Variants in RNF17 observed in about 807,000 individuals in gnomAD.
RNF17 encodes the protein spermatogenesis associated 23.
A neutral mutation model predicts 200.5 loss-of-function variants in RNF17; 31 were observed. The ratio of observed to expected loss-of-function variants is 0.15; its 90% confidence interval spans 0.12 to 0.21. The LOEUF (loss-of-function observed/expected upper bound fraction) is 0.21. RNF17 is among the 10% of genes least tolerant of loss of function. The pLI is 1.00. For synonymous variants in RNF17, 606 were observed against 637.8 expected, an observed-to-expected ratio of 0.95 and a Z score of 0.75; for missense variants, 1,628 against 1,905.1, an observed-to-expected ratio of 0.85 and a Z score of 2.71.
chr13:24,874,281 ATTTCT>A (rs763532955), intron 33 of RNF17, 32 bp downstream of exon 33: 16 of 1,524,744 alleles, frequency 1.0e-5, no homozygotes, highest in East Asian at 7.2e-5. Flanking sequence ...GTTGAATTAG[ATTTCT>A]TTTTTTTTAA....
chr13:24,764,377 G>A, intron 1 of RNF17, 44 bp downstream of exon 1: 3 of 1,523,574 alleles, frequency 2.0e-6, no homozygotes, highest in Non-Finnish European at 2.7e-6. Context: ...CAGCCTGGAG[G>A]GAGCGCTGGG....
At chr13:24,814,407 G>A (rs987362422) in intron 15 of RNF17, among the ~76,000 whole-genome samples, 1 of 152,082 alleles carries the variant, frequency 6.6e-6, no homozygotes, top group Non-Finnish European at 1.5e-5. Flanking sequence ...TTTAATTATT[G>A]TTTCTTTTGT....
At chr13:24,870,486 C>T in intron 31 of RNF17, 85 bp from the exon 32 acceptor site, 1 of 1,183,824 alleles carries the variant, frequency 8.4e-7, no homozygotes, top group Non-Finnish European at 1.2e-6. Context: ...TCGCTGGAGG[C>T]TGTCTGCTAC....
intron 15 of RNF17, among the ~76,000 whole-genome samples, chr13:24,815,475 A>G (rs907337959): frequency 2.4e-5 from 3 of 125,612 alleles, no homozygotes; most frequent in African/African-American, 3.0e-5. Flanking sequence ...GTGTGTGTGT[A>G]TAATTTGGGG....
intron 3 of RNF17, 42 bp downstream of exon 3, chr13:24,774,946 T>C: frequency 8.0e-7 from 1 of 1,244,932 alleles, no homozygotes; most frequent in Middle Eastern, 1.9e-4. Context: ...AAAGTCAATG[T>C]GTTACTGAAA....
chr13:24,748,179 C>A, the RNF17 span, among the ~76,000 whole-genome samples: 1 of 152,246 alleles, frequency 6.6e-6, no homozygotes, highest in Admixed American at 6.5e-5. Context: ...TTGAATTATT[C>A]ACCCCTAATT....
chr13:24,862,568 C>A, intron 27 of RNF17, 145 bp from the exon 28 acceptor site: 2 of 553,042 alleles, frequency 3.6e-6, no homozygotes, highest in East Asian at 2.9e-5. Flanking sequence ...TATCATGTAC[C>A]TATGATATTC....
intron 27 of RNF17, among the ~76,000 whole-genome samples, 170 bp downstream of exon 27, chr13:24,861,557 C>T (rs553098973): frequency 2.0e-5 from 3 of 152,128 alleles, no homozygotes; most frequent in East Asian, 3.9e-4. Flanking sequence ...AAGACAGTTA[C>T]AAAATTATAC....
At chr13:24,828,451 C>CA (rs1193100790) in intron 16 of RNF17, among the ~76,000 whole-genome samples, 16 of 151,986 alleles carry the variant, frequency 1.1e-4, no homozygotes, top group Non-Finnish European at 1.2e-4. Flanking sequence ...TCCTTGAAGG[C>CA]AATTACTTTT....
the RNF17 span, among the ~76,000 whole-genome samples, chr13:24,758,836 G>A: frequency 3.9e-5 from 6 of 152,034 alleles, no homozygotes; most frequent in South Asian, 1.0e-3. Context: ...TAGCACTTCG[G>A]GAGGCCAAGG....
chr13:24,817,613 G>A (rs886690882), intron 15 of RNF17, among the ~76,000 whole-genome samples: 2 of 151,978 alleles, frequency 1.3e-5, no homozygotes, highest in African/African-American at 4.8e-5. Context: ...CAGCTACTCG[G>A]GAGGCTGAGG....
At chr13:24,835,311 C>T (rs115976961) in intron 18 of RNF17, among the ~76,000 whole-genome samples, 2,442 of 152,236 alleles carry the variant, frequency 0.016, 67 homozygotes, top group African/African-American at 0.055. Context: ...GGTTCCTCCT[C>T]GTACTACCAC....
intron 2 of RNF17, among the ~76,000 whole-genome samples, chr13:24,768,857 A>G (rs1880198007): frequency 6.6e-6 from 1 of 152,158 alleles, no homozygotes; most frequent in Non-Finnish European, 1.5e-5. Context: ...TTTAGGTTTG[A>G]ATGAACTGCC....
chr13:24,780,253 A>G (rs918346181), intron 5 of RNF17, among the ~76,000 whole-genome samples: 2 of 152,234 alleles, frequency 1.3e-5, no homozygotes, highest in African/African-American at 4.8e-5. Context: ...GTCACTATCA[A>G]AAGTCATTTC....
chr13:24,860,347 C>T (rs1311604402), intron 26 of RNF17, among the ~76,000 whole-genome samples: 1 of 151,954 alleles, frequency 6.6e-6, no homozygotes, highest in Non-Finnish European at 1.5e-5. Flanking sequence ...CTTAAAAGAA[C>T]TTTGATAGTT....
chr13:24,846,866 G>A (rs566220357), intron 22 of RNF17, among the ~76,000 whole-genome samples: 29 of 152,320 alleles, frequency 1.9e-4, no homozygotes, highest in African/African-American at 6.5e-4. Context: ...TTGGCTAAAA[G>A]ACATATACAC....
rs188780293 is a variant in RNF17 at position 24,768,254 on chromosome 13, T to A, written c.225+888T>A. On this transcript the variant is annotated intron_variant, in intron 2 of 35. Transcript: ENST00000255324. Reference sequence around the variant, plus strand: ...AAGTGTAGTTCAGCTTATATAATATTGTTCCTGGAAAGTTGACTCAAGCTG... The same window carrying A: ...AAGTGTAGTTCAGCTTATATAATATAGTTCCTGGAAAGTTGACTCAAGCTG... Among the ~76,000 whole-genome samples, 93 of 151,912 alleles carry A rather than the reference T, an allele frequency of 6.1e-4. 1 individual carries two copies. Among genetic ancestry groups the A allele is most frequent in the African/African-American group, 1.7e-3 (71 of 41,446 alleles).
chr13:24,796,077 C>T (rs952597780), intron 10 of RNF17, 60 bp from the exon 11 acceptor site: 16 of 1,321,208 alleles, frequency 1.2e-5, no homozygotes, highest in Non-Finnish European at 1.7e-5. Context: ...GGTTGTTCAG[C>T]TTTCATGAAT....
At chr13:24,793,985 A>G (rs1046740467) in intron 10 of RNF17, among the ~76,000 whole-genome samples, 1 of 152,186 alleles carries the variant, frequency 6.6e-6, no homozygotes, top group Non-Finnish European at 1.5e-5. Flanking sequence ...TTTCCACTGT[A>G]TTATCATTGA....
Sources: gnomAD v4.1 joint callset for allele counts (sites outside exome capture counted in the v4.1 genomes callset) on GRCh38, gnomAD v4.1.1 for gene constraint, MANE v1.5 for transcripts, NCBI Gene and HGNC (gene_info 2026-07-23, HGNC 2026-07-21) for gene names.